NKAIN3: variants seen among roughly 807,000 people sequenced by gnomAD.
NKAIN3 encodes sodium/potassium transporting ATPase interacting 3.
In NKAIN3, 25 loss-of-function variants were observed where a neutral mutation model predicts 30.2. The ratio of observed to expected loss-of-function variants is 0.83; its 90% confidence interval spans 0.60 to 1.16. NKAIN3 has a LOEUF of 1.16. Ranked by LOEUF, NKAIN3 falls within the 50% of genes most tolerant of loss-of-function variation. NKAIN3 has a pLI of 0.00. For synonymous variants in NKAIN3, 91 were observed against 89.6 expected, an observed-to-expected ratio of 1.02 and a Z score of -0.09; for missense variants, 225 against 254.1, an observed-to-expected ratio of 0.89 and a Z score of 0.78.
intron 1 of NKAIN3, among the ~76,000 whole-genome samples, chr8:62,290,203 C>T (rs1369210369): frequency 6.6e-6 from 1 of 152,192 alleles, no homozygotes; most frequent in African/African-American, 2.4e-5. Context: ...GACAATTTGA[C>T]TTCCTCTTTT....
chr8:62,625,907 A>T (rs1811773434), intron 3 of NKAIN3, among the ~76,000 whole-genome samples: 1 of 152,042 alleles, frequency 6.6e-6, no homozygotes, highest in Admixed American at 6.6e-5. Context: ...GATGTCAAAA[A>T]TTGTTGTAAG....
intron 3 of NKAIN3, among the ~76,000 whole-genome samples, chr8:62,617,193 T>A (rs1486253992): frequency 1.3e-5 from 2 of 152,160 alleles, no homozygotes; most frequent in African/African-American, 4.8e-5. Flanking sequence ...AAACCTATTA[T>A]CTTTGTAAAT....
intron 1 of NKAIN3, among the ~76,000 whole-genome samples, chr8:62,339,013 G>C (rs1157246678): frequency 6.6e-6 from 1 of 151,938 alleles, no homozygotes; most frequent in Admixed American, 6.6e-5. Flanking sequence ...CTTGACACAG[G>C]GTGGTCAGAG....
intron 1 of NKAIN3, among the ~76,000 whole-genome samples, chr8:62,318,243 C>T (rs1238919845): frequency 6.6e-6 from 1 of 152,258 alleles, no homozygotes; most frequent in East Asian, 1.9e-4. Context: ...ATTTGACTTC[C>T]TCTTTTCCTA....
intron 1 of NKAIN3, among the ~76,000 whole-genome samples, chr8:62,524,437 T>A (rs1455321894): frequency 6.6e-6 from 1 of 152,140 alleles, no homozygotes; most frequent in East Asian, 1.9e-4. Flanking sequence ...CTCGACCAAA[T>A]GGCAGTGAAT....
chr8:62,310,391 A>G (rs927847662), intron 1 of NKAIN3, among the ~76,000 whole-genome samples: 1 of 150,610 alleles, frequency 6.6e-6, no homozygotes, highest in Non-Finnish European at 1.5e-5. Context: ...CTGTGTTTAA[A>G]GTCTTACAAA....
intron 1 of NKAIN3, among the ~76,000 whole-genome samples, chr8:62,420,789 A>T (rs1463016484): frequency 1.3e-5 from 2 of 152,190 alleles, no homozygotes; most frequent in African/African-American, 4.8e-5. Context: ...TTTTCAGATA[A>T]ATTTACACAA....
intron 1 of NKAIN3, among the ~76,000 whole-genome samples, chr8:62,319,733 A>T (rs1005022147): frequency 7.2e-5 from 11 of 152,140 alleles, no homozygotes; most frequent in African/African-American, 2.7e-4. Context: ...ACATTTGCTG[A>T]GGAGTGCTTT....
intron 1 of NKAIN3, among the ~76,000 whole-genome samples, chr8:62,433,735 A>G (rs1031140849): frequency 1.3e-5 from 2 of 152,136 alleles, no homozygotes; most frequent in African/African-American, 4.8e-5. Flanking sequence ...TTTAAATTTT[A>G]TTTGACATTA....
chr8:62,905,935 C>T (rs1480995231), intron 4 of NKAIN3, among the ~76,000 whole-genome samples: 1 of 152,180 alleles, frequency 6.6e-6, no homozygotes, highest in Non-Finnish European at 1.5e-5. Flanking sequence ...TGTGTCATTG[C>T]TCTTTACCTG....
At chr8:62,789,565 A>G in intron 4 of NKAIN3, among the ~76,000 whole-genome samples, 1 of 152,056 alleles carries the variant, frequency 6.6e-6, no homozygotes, top group East Asian at 1.9e-4. Flanking sequence ...AAGTTCCAAC[A>G]CTATGTTGAA....
intron 1 of NKAIN3, among the ~76,000 whole-genome samples, chr8:62,306,577 T>TGTGTGTGTGTGTGTGTGTGTTG (rs369616688): frequency 1.6e-5 from 2 of 123,708 alleles, no homozygotes; most frequent in African/African-American, 6.5e-5. Context: ...TGTGTGTGTG[T>TGTGTGTGTGTGTGTGTGTGTTG]TGTGTGTGTG....
At chr8:62,572,028 G>A (rs1223096269) in intron 1 of NKAIN3, among the ~76,000 whole-genome samples, 2 of 152,286 alleles carry the variant, frequency 1.3e-5, no homozygotes, top group East Asian at 3.9e-4. Flanking sequence ...GCAAATTTCT[G>A]TAGCTGGCTT....
intron 1 of NKAIN3, among the ~76,000 whole-genome samples, chr8:62,429,622 C>T (rs191743193): frequency 6.6e-6 from 1 of 151,908 alleles, no homozygotes; most frequent in East Asian, 1.9e-4. Context: ...TTTCCTCCAT[C>T]CCTATTGTTT....
At chr8:62,812,151 G>T (rs934742704) in intron 4 of NKAIN3, among the ~76,000 whole-genome samples, 4 of 151,860 alleles carry the variant, frequency 2.6e-5, no homozygotes, top group Admixed American at 2.6e-4. Context: ...GGGTATAGTT[G>T]TGTGAATCTA....
chr8:62,483,615 A>G (rs1451853), intron 1 of NKAIN3: 155,514 of 180,860 alleles, frequency 0.86, 66,982 homozygotes, highest in Middle Eastern at 0.92. Context: ...CTGGTCTTTT[A>G]TGATTTGAAT....
chr8:62,475,968 C>T (rs1806506535), intron 1 of NKAIN3, among the ~76,000 whole-genome samples: 1 of 152,128 alleles, frequency 6.6e-6, no homozygotes, highest in Admixed American at 6.6e-5. Flanking sequence ...TGTGAAATAA[C>T]ACAATTTTCA....
intron 1 of NKAIN3, among the ~76,000 whole-genome samples, chr8:62,529,650 C>A (rs1666972417): frequency 1.3e-5 from 2 of 152,054 alleles, no homozygotes; most frequent in Non-Finnish European, 2.9e-5. Context: ...TCTGTCAGTG[C>A]CATGATCTTG....
intron 5 of NKAIN3, among the ~76,000 whole-genome samples, chr8:62,921,561 T>A (rs1443539991): frequency 6.6e-6 from 1 of 152,182 alleles, no homozygotes; most frequent in Non-Finnish European, 1.5e-5. Context: ...CTATTTCTTA[T>A]AAAGATTATG....
Sources: gnomAD v4.1 joint callset for allele counts (sites outside exome capture counted in the v4.1 genomes callset) on GRCh38, gnomAD v4.1.1 for gene constraint, MANE v1.5 for transcripts, NCBI Gene and HGNC (gene_info 2026-07-23, HGNC 2026-07-21) for gene names.